ITGBL1: variants seen among roughly 807,000 people sequenced by gnomAD.
ITGBL1 encodes integrin beta-like protein 1.
In ITGBL1, 51 loss-of-function variants were observed where a neutral mutation model predicts 68.5. The ratio of observed to expected loss-of-function variants is 0.74; its 90% CI spans 0.59 to 0.94. The LOEUF (loss-of-function observed/expected upper bound fraction) is 0.94, where lower values mean the gene tolerates loss of function less well. Among genes scored for constraint, ITGBL1 ranks in the 40% least tolerant of loss-of-function variants. ITGBL1 has a pLI of 0.00. For synonymous variants in ITGBL1, 209 were observed against 227.3 expected (o/e 0.92, Z 0.72); for missense variants, 649 against 647.4 (o/e 1.00, Z -0.03).
chr13:101,630,712 G>A (rs1322933319), intron 7 of ITGBL1, among the ~76,000 whole-genome samples: 1 of 152,068 alleles, frequency 6.6e-6, no homozygotes, highest in African/African-American at 2.4e-5. Context: ...ATCATTGTTA[G>A]ATCTCCCCTG....
At chr13:101,461,604 A>G (rs1236697363) in intron 2 of ITGBL1, among the ~76,000 whole-genome samples, 1 of 152,150 alleles carries the variant, frequency 6.6e-6, no homozygotes, top group Non-Finnish European at 1.5e-5. Context: ...CTAATACAGG[A>G]GGCTCATTTG....
chr13:101,454,423 G>A (rs2048213515), intron 2 of ITGBL1, among the ~76,000 whole-genome samples: 1 of 129,248 alleles, frequency 7.7e-6, no homozygotes, highest in Non-Finnish European at 1.7e-5. Flanking sequence ...CCCAACTCCT[G>A]GAATCAAGCT....
Position 101,589,245 on chromosome 13 carries a change from A to T in ITGBL1, c.868+5889A>T, listed in dbSNP as rs1451390089. ...ATTATGGTAGGCTAGAATTATAGAAAGTTTATCCATGCACTTTTATGCTTG... is the reference window on the plus strand; with the variant it reads ...ATTATGGTAGGCTAGAATTATAGAATGTTTATCCATGCACTTTTATGCTTG... On this transcript the variant is annotated intron_variant, in intron 6 of 10. Transcript: ENST00000376180. 2.6e-5 allele frequency among the ~76,000 whole-genome samples: 4 copies of T among 152,226 alleles called. No individual in the cohort carries two copies. The East Asian group carries it at 7.7e-4, about 29-fold the overall frequency.
chr13:101,675,931 T>G (rs2033490468), intron 7 of ITGBL1, among the ~76,000 whole-genome samples: 1 of 152,206 alleles, frequency 6.6e-6, no homozygotes, highest in African/African-American at 2.4e-5. Context: ...CTGTGTCTAG[T>G]CTACCATCGA....
chr13:101,579,239 AT>A, intron 4 of ITGBL1, 47 bp from the exon 5 acceptor site: 1 of 1,595,916 alleles, frequency 6.3e-7, no homozygotes, highest in Non-Finnish European at 8.6e-7. Flanking sequence ...AATTCTGCTT[AT>A]GAAAGTTGCT....
At chr13:101,552,494 G>A (rs1364886978) in intron 2 of ITGBL1, among the ~76,000 whole-genome samples, 5 of 152,264 alleles carry the variant, frequency 3.3e-5, no homozygotes, top group African/African-American at 7.2e-5. Flanking sequence ...AGATGTTTTT[G>A]TGATAGCTGA....
chr13:101,709,314 G>A (rs370486507), intron 9 of ITGBL1, among the ~76,000 whole-genome samples: 5 of 134,262 alleles, frequency 3.7e-5, no homozygotes, highest in African/African-American at 5.7e-5. Context: ...GCAGTGAGCC[G>A]AGATTGCGCC....
chr13:101,638,992 A>C (rs1373706184), intron 7 of ITGBL1, among the ~76,000 whole-genome samples: 1 of 152,190 alleles, frequency 6.6e-6, no homozygotes, highest in Non-Finnish European at 1.5e-5. Flanking sequence ...CAACTAACAA[A>C]CTAAGAAAAA....
At chr13:101,707,527 C>T (rs144270923) in intron 9 of ITGBL1, among the ~76,000 whole-genome samples, 1 of 152,240 alleles carries the variant, frequency 6.6e-6, no homozygotes, top group Non-Finnish European at 1.5e-5. Flanking sequence ...TAAACATGTG[C>T]AGCCTGATAT....
At chr13:101,559,355 C>G (rs2050063360) in intron 2 of ITGBL1, among the ~76,000 whole-genome samples, 1 of 152,138 alleles carries the variant, frequency 6.6e-6, no homozygotes. Context: ...AATCCAATCT[C>G]TTAATTTTGC....
intron 2 of ITGBL1, among the ~76,000 whole-genome samples, chr13:101,469,759 C>A (rs180877546): frequency 1.3e-5 from 2 of 152,100 alleles, no homozygotes; most frequent in East Asian, 1.9e-4. Context: ...AGTGGCAATG[C>A]GCTGATCTTT....
chr13:101,573,869 C>T (rs971699643), intron 3 of ITGBL1, among the ~76,000 whole-genome samples: 1 of 152,130 alleles, frequency 6.6e-6, no homozygotes, highest in African/African-American at 2.4e-5. Context: ...ATCCTTCACC[C>T]TTTACACTCA....
chr13:101,516,747 A>G lies in ITGBL1; in HGVS notation c.317-50952A>G, dbSNP rs552163951. Among the ~76,000 whole-genome samples the G allele has an allele frequency of 2.0e-5, 3 of 152,266 alleles. No individual in the cohort carries two copies. In the South Asian group the frequency reaches 6.2e-4, roughly 32 times the overall value. On this transcript the variant is annotated intron_variant, in intron 2 of 10. Transcript: ENST00000376180. ...ATTATCATATTATTTCTAAGTTTAT[A>G]CTGTCTAGGAATAAAAAATACCTGG...
At chr13:101,695,966 G>A (rs1255658755) in intron 8 of ITGBL1, among the ~76,000 whole-genome samples, 1 of 152,198 alleles carries the variant, frequency 6.6e-6, no homozygotes, top group Admixed American at 6.5e-5. Context: ...CTTGTCCCTT[G>A]TGGGCTCCTT....
In ITGBL1 at chr13:101,632,076, A is replaced by G. The variant is rs142789570; in HGVS notation, c.1015+33777A>G. On this transcript the variant is annotated intron_variant, in intron 7 of 10. Coordinates refer to ENST00000376180, the MANE Select transcript of ITGBL1 (RefSeq NM_004791.3). ...ATAATTAAAACAATAAACTTGGCTT[A>G]TCAAAACACACTCTTAGGAGAATGA... is the stretch of plus-strand genomic sequence containing the variant. 7.7e-3 allele frequency among the ~76,000 whole-genome samples: 1,168 copies of G among 152,220 alleles called. 17 individuals carry two copies. The highest frequency in any genetic ancestry group is 0.026 in the African/African-American group (1,088 of 41,552).
At chr13:101,519,255 C>T (rs79080945) in intron 2 of ITGBL1, among the ~76,000 whole-genome samples, 3,883 of 152,174 alleles carry the variant, frequency 0.026, 160 homozygotes, top group African/African-American at 0.088. Context: ...TAGTCTACCC[C>T]AGGGCTGCCT....
intron 7 of ITGBL1, among the ~76,000 whole-genome samples, chr13:101,628,236 G>C (rs1374664003): frequency 6.6e-6 from 1 of 151,984 alleles, no homozygotes; most frequent in Non-Finnish European, 1.5e-5. Flanking sequence ...TTTGCCATCT[G>C]TATGTTTTCT....
chr13:101,470,082 A>G (rs975028422), intron 2 of ITGBL1, among the ~76,000 whole-genome samples: 1 of 152,164 alleles, frequency 6.6e-6, no homozygotes, highest in Non-Finnish European at 1.5e-5. Context: ...TAGCTGTGAG[A>G]TTTCAGCCAT....
intron 2 of ITGBL1, among the ~76,000 whole-genome samples, chr13:101,459,451 G>A (rs908802319): frequency 3.3e-5 from 5 of 151,980 alleles, no homozygotes; most frequent in South Asian, 2.1e-4. Context: ...CAGACTATAC[G>A]CCATCCTTAG....
Sources: gnomAD v4.1 joint callset for allele counts (sites outside exome capture counted in the v4.1 genomes callset) on GRCh38, gnomAD v4.1.1 for gene constraint, MANE v1.5 for transcripts, NCBI Gene and HGNC (gene_info 2026-07-23, HGNC 2026-07-21) for gene names.